PTPRD: variants seen among roughly 807,000 people sequenced by gnomAD.
The protein encoded by PTPRD is receptor-type tyrosine-protein phosphatase delta.
In PTPRD, 34 loss-of-function variants were observed where a neutral mutation model predicts 214.5. The observed-to-expected ratio is 0.16, with a 90% CI of 0.12 to 0.21. PTPRD has a LOEUF of 0.21. PTPRD is among the 10% of genes least tolerant of loss of function. The probability of loss-of-function intolerance (pLI) is 1.00; values close to 1 mark genes in which losing one functional copy is unlikely to be tolerated. For missense variants in PTPRD, 2,545 were observed against 2,398.7 expected (o/e 1.06, Z -1.27); for synonymous variants, 1,128 against 845.7 (o/e 1.33, Z -5.79).
chr9:9,561,597 T>A (rs1351443533), intron 8 of PTPRD, among the ~76,000 whole-genome samples: 3 of 152,180 alleles, frequency 2.0e-5, no homozygotes, highest in Admixed American at 1.3e-4. Flanking sequence ...CTCTCTATTT[T>A]CAGAACTACA....
chr9:9,168,895 TA>T (rs748712485), intron 10 of PTPRD, among the ~76,000 whole-genome samples: 99 of 151,854 alleles, frequency 6.5e-4, no homozygotes, highest in East Asian at 7.7e-4. Flanking sequence ...TTTATTTATA[TA>T]TTTTTTTTGT....
chr9:8,364,517 C>G (rs1326212367), intron 39 of PTPRD, among the ~76,000 whole-genome samples: 2 of 152,334 alleles, frequency 1.3e-5, no homozygotes, highest in Non-Finnish European at 2.9e-5. Flanking sequence ...CACTAAAAAG[C>G]TCATGCTACA....
At chr9:9,947,307 ATATATATAT>A (rs1339106184) in intron 4 of PTPRD, among the ~76,000 whole-genome samples, 3,331 of 85,150 alleles carry the variant, frequency 0.039, 355 homozygotes, top group African/African-American at 0.16. Context: ...TATATATTTT[ATATATATAT>A]TATATATATT....
chr9:9,134,415 C>G (rs1018197689), intron 10 of PTPRD, among the ~76,000 whole-genome samples: 23 of 152,126 alleles, frequency 1.5e-4, no homozygotes, highest in African/African-American at 5.3e-4. Context: ...ATCTGTTAAT[C>G]TATCAGCAAT....
chr9:9,031,733 A>G (rs140220610), intron 10 of PTPRD, among the ~76,000 whole-genome samples: 2 of 152,162 alleles, frequency 1.3e-5, no homozygotes, highest in East Asian at 3.9e-4. Context: ...TCAGAGTACA[A>G]ATAGGAAAGA....
At chr9:8,449,691 AC>A in intron 34 of PTPRD, 33 bp downstream of exon 34, 1 of 1,586,832 alleles carries the variant, frequency 6.3e-7, no homozygotes. Flanking sequence ...TCTGGGAAAG[AC>A]TGTGTGTGGA....
intron 7 of PTPRD, among the ~76,000 whole-genome samples, chr9:9,585,703 T>C (rs1037316891): frequency 2.6e-5 from 4 of 152,006 alleles, no homozygotes; most frequent in African/African-American, 4.8e-5. Context: ...ACCTCTGTTG[T>C]CTTCATGAAA....
chr9:9,469,734 C>T (rs184512520), intron 8 of PTPRD, among the ~76,000 whole-genome samples: 2 of 152,164 alleles, frequency 1.3e-5, no homozygotes, highest in Admixed American at 6.5e-5. Flanking sequence ...TTTTAAAATG[C>T]CTGAATCTCT....
At chr9:10,411,753 T>A (rs2098438202) in intron 2 of PTPRD, among the ~76,000 whole-genome samples, 1 of 151,792 alleles carries the variant, frequency 6.6e-6, no homozygotes, top group South Asian at 2.1e-4. Flanking sequence ...CTTTATATAA[T>A]CATTAGTAAT....
At chr9:8,404,216 CCT>C (rs1222481154) in intron 36 of PTPRD, among the ~76,000 whole-genome samples, 1 of 152,166 alleles carries the variant, frequency 6.6e-6, no homozygotes, top group African/African-American at 2.4e-5. Context: ...GCAACTCCCG[CCT>C]CCTGGGTTCA....
In PTPRD at chr9:9,369,473, T is replaced by A. The variant is rs1318559017; in HGVS notation, c.-203+27976A>T. Among the ~76,000 whole-genome samples the A allele has an allele frequency of 5.3e-5, 8 of 152,300 alleles. No individual in the cohort carries two copies. In the East Asian group the frequency reaches 1.4e-3, roughly 26 times the overall value. On this transcript the variant is annotated intron_variant, in intron 9 of 45. Transcript: ENST00000381196. ...GTGGGGTTGTTTGCTTTTTTTCTTG[T>A]AAATTTGTTGGAGTTCATTGTAGAT...
At chr9:8,944,049 G>C (rs2099049603) in intron 11 of PTPRD, among the ~76,000 whole-genome samples, 1 of 151,508 alleles carries the variant, frequency 6.6e-6, no homozygotes, top group Non-Finnish European at 1.5e-5. Context: ...AAACAACTAA[G>C]TAGGAAAAAA....
intron 7 of PTPRD, among the ~76,000 whole-genome samples, chr9:9,591,192 G>A (rs1268784073): frequency 2.7e-5 from 4 of 150,818 alleles, no homozygotes; most frequent in Non-Finnish European, 5.9e-5. Context: ...TGGATGTGGC[G>A]GAAGTCAGAG....
At chr9:9,110,040 C>A (rs140259922) in intron 10 of PTPRD, among the ~76,000 whole-genome samples, 3 of 152,100 alleles carry the variant, frequency 2.0e-5, no homozygotes, top group African/African-American at 7.2e-5. Flanking sequence ...GAAGTCAAGG[C>A]TTAGATGGGG....
chr9:9,481,161 G>A (rs2095396385), intron 8 of PTPRD, among the ~76,000 whole-genome samples: 2 of 152,108 alleles, frequency 1.3e-5, no homozygotes, highest in Admixed American at 1.3e-4. Flanking sequence ...TAGCGAGGAT[G>A]AGGGCAGACT....
At chr9:9,286,005 C>T (rs1406176429) in intron 9 of PTPRD, among the ~76,000 whole-genome samples, 1 of 151,716 alleles carries the variant, frequency 6.6e-6, no homozygotes, top group African/African-American at 2.4e-5. Flanking sequence ...CTTGTATAGC[C>T]TCATTTCCAT....
chr9:8,505,556 A>C (rs888663710), intron 22 of PTPRD, among the ~76,000 whole-genome samples: 1 of 145,054 alleles, frequency 6.9e-6, no homozygotes, highest in Non-Finnish European at 1.5e-5. Flanking sequence ...CAGGAGGCAG[A>C]GCTTGCAGTG....
At chr9:10,501,618 G>C (rs182367950) in intron 2 of PTPRD, among the ~76,000 whole-genome samples, 1 of 152,052 alleles carries the variant, frequency 6.6e-6, no homozygotes, top group East Asian at 1.9e-4. Context: ...AAAACCATGA[G>C]AGAAAACAAC....
At chr9:9,853,688 A>G (rs2060983775) in intron 5 of PTPRD, among the ~76,000 whole-genome samples, 1 of 152,056 alleles carries the variant, frequency 6.6e-6, no homozygotes, top group Non-Finnish European at 1.5e-5. Flanking sequence ...AGTTGGGACT[A>G]CAGGTGCACA....
Sources: gnomAD v4.1 joint callset for allele counts (sites outside exome capture counted in the v4.1 genomes callset) on GRCh38, gnomAD v4.1.1 for gene constraint, MANE v1.5 for transcripts, NCBI Gene and HGNC (gene_info 2026-07-23, HGNC 2026-07-21) for gene names.